Variants in OCA2 observed in about 807,000 individuals in gnomAD.
OCA2 encodes the protein P protein.
OCA2 carries 77 observed loss-of-function variants against 100.2 expected under a neutral mutation model. The ratio of observed to expected loss-of-function variants is 0.77; its 90% CI spans 0.64 to 0.93. The LOEUF (loss-of-function observed/expected upper bound fraction) is 0.93. Ranked by LOEUF, OCA2 falls within the 40% of genes least tolerant of loss-of-function variation. The pLI, the probability that OCA2 is intolerant of heterozygous loss-of-function variation, is 0.00. For synonymous variants in OCA2, 432 were observed against 439.2 expected (o/e 0.98, Z 0.21); for missense variants, 1,062 against 1,089.1 (o/e 0.98, Z 0.35).
chr15:27,955,606 T>C (rs2040197140), intron 16 of OCA2, among the ~76,000 whole-genome samples: 1 of 152,188 alleles, frequency 6.6e-6, no homozygotes. Flanking sequence ...GCACTGAACC[T>C]ATACAACTAT....
At chr15:28,063,615 T>TGC (rs2043940880) in intron 2 of OCA2, among the ~76,000 whole-genome samples, 1 of 152,164 alleles carries the variant, frequency 6.6e-6, no homozygotes, top group Non-Finnish European at 1.5e-5. Context: ...ATTACAATTA[T>TGC]CATCTTAAAA....
In OCA2 at chr15:28,081,907, A is replaced by G. The variant is rs966064107; in HGVS notation, c.-21-12T>C. On this transcript the variant is annotated splice_polypyrimidine_tract_variant and intron_variant, in intron 1 of 23. Transcript: ENST00000354638. ...TGCCAGTCTTCTCTCTAGGGCAGCC[A>G]GAAAGAAACCACTCTTCATGAAAGG... 9 of 1,585,558 alleles carry G rather than the reference A, an allele frequency of 5.7e-6. No homozygotes were observed. Among genetic ancestry groups the G allele is most frequent in the African/African-American group, 5.4e-5 (4 of 74,274 alleles).
chr15:27,802,129 A>C (rs2033641420), intron 23 of OCA2, among the ~76,000 whole-genome samples: 1 of 152,212 alleles, frequency 6.6e-6, no homozygotes, highest in African/African-American at 2.4e-5. Context: ...ATCCATACGT[A>C]TACATCTATT....
rs868678941 is a variant in OCA2 at position 28,012,252 on chromosome 15, A to G, written c.1044+2524T>C. On this transcript the variant is annotated intron_variant, in intron 9 of 23. Transcript: ENST00000354638. The stretch of plus-strand genomic sequence containing the variant: ...CACAGTAAGATATCACTACACACCA[A>G]TAGAAAGACCACACCCTGTCATAGG... 1.5e-4 allele frequency among the ~76,000 whole-genome samples: 23 copies of G among 152,304 alleles called. 3 individuals carry two copies. The South Asian group carries it at 2.7e-3, about 18-fold the overall frequency.
At chr15:27,738,543 G>A in the OCA2 span, among the ~76,000 whole-genome samples, 3 of 152,110 alleles carry the variant, frequency 2.0e-5, no homozygotes, top group East Asian at 3.9e-4. Flanking sequence ...AGACCATCCT[G>A]GCTAACACGG....
chr15:27,907,135 T>C (rs542196963), intron 19 of OCA2, among the ~76,000 whole-genome samples: 1 of 152,060 alleles, frequency 6.6e-6, no homozygotes, highest in Admixed American at 6.5e-5. Flanking sequence ...GGGACAAATA[T>C]CCAAAACATA....
Position 27,943,671 on chromosome 15 carries a change from T to A in OCA2, c.1951+8113A>T, listed in dbSNP as rs1328377133. 2.2e-3 allele frequency among the ~76,000 whole-genome samples: 252 copies of A among 114,846 alleles called. 1 individual carries two copies. The highest frequency in any genetic ancestry group is 6.5e-3 in the African/African-American group (205 of 31,508). The allele number at this position is 114,846 out of a possible 152,430, so 75.3% of individuals were successfully genotyped here. ...GTGCCCTAAAACTTAAAGTATAATTTAAAAAAAAAAAAAAAAAAAACCTTG... is the reference window on the plus strand; with the variant it reads ...GTGCCCTAAAACTTAAAGTATAATTAAAAAAAAAAAAAAAAAAAAACCTTG... On this transcript the variant is annotated intron_variant, in intron 18 of 23. Transcript: ENST00000354638.
At chr15:27,993,016 C>T (rs990711386) in intron 9 of OCA2, among the ~76,000 whole-genome samples, 2 of 151,996 alleles carry the variant, frequency 1.3e-5, no homozygotes, top group South Asian at 2.1e-4. Context: ...CCCAGTGACT[C>T]GGGAGTCTGA....
At chr15:27,821,171 C>G (rs1301839587) in intron 23 of OCA2, among the ~76,000 whole-genome samples, 1 of 152,116 alleles carries the variant, frequency 6.6e-6, no homozygotes, top group Non-Finnish European at 1.5e-5. Context: ...ACGAGAAAAG[C>G]ACCAGTTTCC....
intron 23 of OCA2, among the ~76,000 whole-genome samples, chr15:27,770,855 TTTCTTCCTTCCTTCCC>T (rs1189635436): frequency 3.0e-4 from 31 of 104,540 alleles, no homozygotes; most frequent in African/African-American, 1.7e-3. Context: ...CCTTCCTTCC[TTTCTTCCTTCCTTCCC>T]TCCTTCCTTT....
At chr15:28,078,291 C>T (rs2141863710) in intron 2 of OCA2, among the ~76,000 whole-genome samples, 1 of 152,296 alleles carries the variant, frequency 6.6e-6, no homozygotes, top group African/African-American at 2.4e-5. Context: ...CAACAATTTC[C>T]TTCATCACTA....
At chr15:28,087,134 T>C (rs1049522247) in intron 1 of OCA2, among the ~76,000 whole-genome samples, 1 of 151,956 alleles carries the variant, frequency 6.6e-6, no homozygotes, top group African/African-American at 2.4e-5. Flanking sequence ...CCAACATATA[T>C]AGTGGGCAAA....
chr15:27,992,359 C>T (rs945397539), intron 9 of OCA2, among the ~76,000 whole-genome samples: 6 of 152,228 alleles, frequency 3.9e-5, no homozygotes, highest in East Asian at 1.9e-4. Context: ...CCTCGCCTCC[C>T]AAACTGCTGG....
At chr15:27,900,158 G>A (rs549086735) in intron 19 of OCA2, among the ~76,000 whole-genome samples, 1 of 152,180 alleles carries the variant, frequency 6.6e-6, no homozygotes, top group South Asian at 2.1e-4. Flanking sequence ...TCTTCAGTAG[G>A]GACTTTCCCC....
intron 2 of OCA2, among the ~76,000 whole-genome samples, chr15:28,033,494 G>A (rs1195942388): frequency 1.3e-5 from 2 of 152,186 alleles, no homozygotes; most frequent in African/African-American, 4.8e-5. Context: ...CCTGAGTTGT[G>A]TCTAACACCA....
chr15:27,818,773 C>T (rs1201399169), intron 23 of OCA2, among the ~76,000 whole-genome samples: 1 of 152,218 alleles, frequency 6.6e-6, no homozygotes, highest in Non-Finnish European at 1.5e-5. Flanking sequence ...TTGTTCCAGA[C>T]TATCTTTTCC....
In OCA2 at chr15:27,983,441, A is replaced by C; in HGVS notation, c.1407T>G (p.Ile469Met). The C allele has an allele frequency of 6.2e-7, 1 of 1,614,218 alleles. No individual in the cohort carries two copies. Among genetic ancestry groups the C allele is most frequent in the Non-Finnish European group, 8.5e-7 (1 of 1,180,026 alleles). ...VLNLDPRQVL[I>M]AEVIFTNIGG... The stretch of plus-strand genomic sequence containing the variant: ...CAATGTTTGTGAAGATCACTTCTGC[A>C]ATCAGGACTTGTCTTGGATCAAGGT... Residue 469 changes from isoleucine to methionine, a missense_variant, in exon 14 of 24, where the codon ATT becomes ATG. Coordinates refer to ENST00000354638, the MANE Select transcript of OCA2 (RefSeq NM_000275.3).
chr15:27,752,691 C>T (rs1360177159), downstream of OCA2, among the ~76,000 whole-genome samples: 1 of 146,756 alleles, frequency 6.8e-6, no homozygotes, highest in African/African-American at 2.5e-5. Context: ...AGCCCACCCC[C>T]GGCCCTGGCT....
intron 2 of OCA2, among the ~76,000 whole-genome samples, chr15:28,057,692 A>G (rs2043744253): frequency 6.6e-6 from 1 of 152,218 alleles, no homozygotes; most frequent in Non-Finnish European, 1.5e-5. Context: ...GCAGGCATGA[A>G]CAAGACACAC....
Sources: gnomAD v4.1 joint callset for allele counts (sites outside exome capture counted in the v4.1 genomes callset) on GRCh38, gnomAD v4.1.1 for gene constraint, MANE v1.5 for transcripts, NCBI Gene and HGNC (gene_info 2026-07-23, HGNC 2026-07-21) for gene names.